The following ADGRV1 variants were observed in gnomAD, a reference collection of about 807,000 sequenced individuals.
ADGRV1 encodes adhesion G protein-coupled receptor V1, also known as G-protein coupled receptor 98.
Under a neutral mutation model 596.2 loss-of-function variants are expected in ADGRV1, and 359 were observed. The observed-to-expected ratio is 0.60, with a 90% CI of 0.55 to 0.66. ADGRV1 has a LOEUF of 0.66. Ranked by LOEUF, ADGRV1 falls within the 30% of genes least tolerant of loss-of-function variation. The probability of loss-of-function intolerance (pLI) is 0.00; values close to 1 mark genes in which losing one functional copy is unlikely to be tolerated. For synonymous variants in ADGRV1, 2,681 were observed against 2,679.2 expected (o/e 1.00, Z -0.02); for missense variants, 7,274 against 7,575.6 (o/e 0.96, Z 1.48).
intron 52 of ADGRV1, among the ~76,000 whole-genome samples, chr5:90,749,652 A>C (rs1755024008): frequency 6.6e-6 from 1 of 152,206 alleles, no homozygotes; most frequent in Non-Finnish European, 1.5e-5. Context: ...ATTTTCAAAA[A>C]TCTTTACACT....
chr5:91,053,089 T>G (rs1052870044), intron 85 of ADGRV1, among the ~76,000 whole-genome samples: 2 of 152,214 alleles, frequency 1.3e-5, no homozygotes, highest in Non-Finnish European at 2.9e-5. Flanking sequence ...GTCATTTTCA[T>G]TGGGTTGAAG....
At chr5:90,657,057 A>G (rs988966477) in intron 20 of ADGRV1, among the ~76,000 whole-genome samples, 4 of 152,014 alleles carry the variant, frequency 2.6e-5, no homozygotes, top group African/African-American at 9.7e-5. Flanking sequence ...CTTTAACTCA[A>G]TGAGTGTCTA....
chr5:91,092,054 A>G (rs1790431430), intron 86 of ADGRV1, among the ~76,000 whole-genome samples: 1 of 152,222 alleles, frequency 6.6e-6, no homozygotes. Context: ...AGTGCTATGA[A>G]GAAACTGAGT....
chr5:90,776,385 G>C (rs765904240), intron 60 of ADGRV1, 68 bp from the exon 61 acceptor site: 16 of 1,471,824 alleles, frequency 1.1e-5, no homozygotes, highest in Non-Finnish European at 1.5e-5. Context: ...TGCTTAGAAA[G>C]TTTCCAGGCA....
At chr5:91,101,005 T>C (rs1382586192) in intron 86 of ADGRV1, among the ~76,000 whole-genome samples, 6 of 151,296 alleles carry the variant, frequency 4.0e-5, no homozygotes, top group Admixed American at 6.6e-5. Context: ...GTGTCAACTA[T>C]ACACGACTGG....
intron 77 of ADGRV1, among the ~76,000 whole-genome samples, chr5:90,835,343 C>T (rs1314239060): frequency 6.6e-6 from 1 of 152,210 alleles, no homozygotes; most frequent in Non-Finnish European, 1.5e-5. Context: ...GGAAAATTCC[C>T]TGGATTATCA....
chr5:90,966,530 C>CAAAA (rs67304974), intron 84 of ADGRV1, among the ~76,000 whole-genome samples: 66 of 100,670 alleles, frequency 6.6e-4, no homozygotes, highest in Admixed American at 8.6e-4. Flanking sequence ...GAAACTCTGC[C>CAAAA]AAAAAAAAAA....
At chr5:91,157,142 C>G (rs1398402297) in intron 89 of ADGRV1, among the ~76,000 whole-genome samples, 3 of 152,142 alleles carry the variant, frequency 2.0e-5, no homozygotes, top group Admixed American at 6.5e-5. Flanking sequence ...GTTTGCAAAC[C>G]TTGGTCCCTC....
intron 33 of ADGRV1, among the ~76,000 whole-genome samples, chr5:90,695,330 G>C (rs1747044400): frequency 6.6e-6 from 1 of 152,032 alleles, no homozygotes; most frequent in East Asian, 1.9e-4. Flanking sequence ...CAGATTGAGT[G>C]GTTCTTTTTC....
chr5:90,635,110 A>G lies in ADGRV1; in HGVS notation c.1840-4A>G. On this transcript the variant is annotated splice_polypyrimidine_tract_variant and splice_region_variant and intron_variant, in intron 9 of 89. Coordinates refer to ENST00000405460, the MANE Select transcript of ADGRV1 (RefSeq NM_032119.4). Reference sequence around the variant, plus strand: ...ACTACTTTTTGTGTATTTGTTTATTATAGTTGGAAACTGTGGAGTTGTTAA... The same window carrying G: ...ACTACTTTTTGTGTATTTGTTTATTGTAGTTGGAAACTGTGGAGTTGTTAA... 6.4e-7 allele frequency: 1 copy of G among 1,561,892 alleles called. No individual in the cohort carries two copies. Among genetic ancestry groups the G allele is most frequent in the Non-Finnish European group, 8.8e-7 (1 of 1,137,914 alleles).
At chr5:90,814,990 A>AT (rs35375183) in intron 74 of ADGRV1, among the ~76,000 whole-genome samples, 125,439 of 148,558 alleles carry the variant, frequency 0.84, 54,370 homozygotes, top group Non-Finnish European at 0.95. Context: ...CAGTTTAAAC[A>AT]TTTTTTTTTT....
chr5:90,710,416 G>A (rs1293140442), intron 39 of ADGRV1, among the ~76,000 whole-genome samples: 4 of 152,028 alleles, frequency 2.6e-5, no homozygotes, highest in Non-Finnish European at 4.4e-5. Context: ...TTGGTGGATA[G>A]AATAAAAATA....
chr5:90,776,388 T>G, intron 60 of ADGRV1, 65 bp from the exon 61 acceptor site: 1 of 1,500,080 alleles, frequency 6.7e-7, no homozygotes, highest in East Asian at 2.4e-5. Context: ...TTAGAAAGTT[T>G]CCAGGCATAT....
intron 85 of ADGRV1, among the ~76,000 whole-genome samples, chr5:91,056,237 A>C (rs948288795): frequency 1.3e-5 from 2 of 151,360 alleles, no homozygotes; most frequent in Non-Finnish European, 2.9e-5. Flanking sequence ...CATCTCATCG[A>C]TTTGCTGAGC....
intron 21 of ADGRV1, among the ~76,000 whole-genome samples, chr5:90,660,688 A>G (rs1234221083): frequency 6.6e-6 from 1 of 152,194 alleles, no homozygotes; most frequent in Non-Finnish European, 1.5e-5. Context: ...TAGGCAACAT[A>G]GTGAGACCCC....
chr5:91,042,539 T>TC (rs1302828559), intron 85 of ADGRV1, among the ~76,000 whole-genome samples: 2 of 148,160 alleles, frequency 1.3e-5, no homozygotes, highest in African/African-American at 4.9e-5. Flanking sequence ...AGTCTCTCTC[T>TC]TTTTTTTTTA....
At chr5:90,665,248 T>C (rs903295664) in intron 21 of ADGRV1, among the ~76,000 whole-genome samples, 1 of 152,134 alleles carries the variant, frequency 6.6e-6, no homozygotes, top group African/African-American at 2.4e-5. Context: ...GGTCCTGGAC[T>C]CTTTTTGGTT....
chr5:90,609,139 C>T (rs1762445515), intron 1 of ADGRV1, among the ~76,000 whole-genome samples: 1 of 151,972 alleles, frequency 6.6e-6, no homozygotes, highest in Non-Finnish European at 1.5e-5. Flanking sequence ...TATATATGTA[C>T]ACACATAAAC....
intron 42 of ADGRV1, among the ~76,000 whole-genome samples, chr5:90,715,129 C>G (rs1406896475): frequency 6.6e-6 from 1 of 152,172 alleles, no homozygotes; most frequent in Non-Finnish European, 1.5e-5. Context: ...CCCTTGTGTT[C>G]TCTCAAAACC....
Sources: allele counts gnomAD v4.1 joint callset (sites outside exome capture counted in the v4.1 genomes callset), GRCh38; gene constraint gnomAD v4.1.1; transcripts MANE v1.5; gene names NCBI Gene and HGNC (gene_info 2026-07-23, HGNC 2026-07-21).